The following TRPV3 variants were observed in gnomAD, a reference collection of about 807,000 sequenced individuals.
TRPV3 encodes VRL-3.
A neutral mutation model predicts 87.1 loss-of-function variants in TRPV3; 88 were observed. The observed-to-expected ratio is 1.01, with a 90% CI of 0.85 to 1.21. The LOEUF (loss-of-function observed/expected upper bound fraction) is 1.21. Ranked by LOEUF, TRPV3 falls within the 50% of genes most tolerant of loss-of-function variation. The pLI is 0.00. For synonymous variants in TRPV3, 438 were observed against 423.3 expected (o/e 1.03, Z -0.43); for missense variants, 1,054 against 1,030.1 (o/e 1.02, Z -0.32).
intron 2 of TRPV3, among the ~76,000 whole-genome samples, chr17:3,549,850 G>A (rs2074557502): frequency 1.3e-5 from 2 of 151,070 alleles, no homozygotes; most frequent in African/African-American, 4.9e-5. Context: ...TGATTGATGG[G>A]TGAATAAATG....
Position 3,542,532 on chromosome 17 carries a change from CT to C in TRPV3, c.632del (p.Glu211GlyfsTer9), listed in dbSNP as rs769008963. 2 of 1,613,586 alleles carry C rather than the reference CT, an allele frequency of 1.2e-6. No homozygotes were observed. The highest frequency in any genetic ancestry group is 4.5e-5 in the East Asian group (2 of 44,886). ...CTGCAGGCAGGATACCTTCATAGGCCTCCTCTGTGTACTCGGCGTTGATGAA... is the reference window on the plus strand; with the variant it reads ...CTGCAGGCAGGATACCTTCATAGGCCCCTCTGTGTACTCGGCGTTGATGAA... ...GRFINAEYTE[E>X]AYEGQTALNI... is the part of the protein sequence containing the mutation. On this transcript the variant is annotated frameshift_variant, in exon 6 of 18. Transcript: ENST00000576742. LOFTEE classifies it high-confidence loss of function.
intron 12 of TRPV3, among the ~76,000 whole-genome samples, chr17:3,524,821 A>AG (rs200948319): frequency 3.5e-4 from 53 of 151,204 alleles, no homozygotes; most frequent in African/African-American, 9.6e-4. Flanking sequence ...AAAAAAAAAA[A>AG]AAAAGAAAAG....
chr17:3,532,820 T>C lies in TRPV3; in HGVS notation c.902A>G (p.His301Arg). 5 of 1,614,188 alleles carry C rather than the reference T, an allele frequency of 3.1e-6. No homozygotes were observed. In the South Asian group the frequency reaches 5.5e-5, roughly 18 times the overall value. Residue 301 changes from histidine (H) to arginine (R), a missense_variant, in exon 8 of 18, where the codon CAC becomes CGC. Coordinates refer to ENST00000576742, the MANE Select transcript of TRPV3 (RefSeq NM_145068.4). The part of the protein sequence containing the change: ...SRDSRGNNIL[H>R]ALVTVAEDFK... ...GTCCTCGGCCACGGTCACCAGGGCG[T>C]GAAGGATGTTGTTGCCTCGTGAGTC...
chr17:3,538,186 G>A (rs1284147382), intron 6 of TRPV3, among the ~76,000 whole-genome samples: 22 of 145,772 alleles, frequency 1.5e-4, no homozygotes, highest in South Asian at 4.2e-4. Flanking sequence ...GCAAGACCCC[G>A]TCTCAAAAAA....
intron 3 of TRPV3, 94 bp from the exon 4 acceptor site, chr17:3,544,759 G>A (rs982359579): frequency 1.2e-6 from 1 of 857,094 alleles, no homozygotes; most frequent in South Asian, 1.5e-5. Flanking sequence ...CACTTTGGGA[G>A]GCCGAGGCAG....
At chr17:3,527,635 A>G in intron 11 of TRPV3, 1 of 262,284 alleles carries the variant, frequency 3.8e-6, no homozygotes, top group Non-Finnish European at 7.4e-6. Flanking sequence ...GGACAGATGG[A>G]GAGATGGAAA....
chr17:3,550,149 CA>C (rs1190061672), intron 2 of TRPV3, among the ~76,000 whole-genome samples: 1 of 152,096 alleles, frequency 6.6e-6, no homozygotes, highest in East Asian at 1.9e-4. Flanking sequence ...AACCTTAAAC[CA>C]AAATGTTGGG....
At chr17:3,524,808 CA>C (rs56919647) in intron 12 of TRPV3, among the ~76,000 whole-genome samples, 21,078 of 81,752 alleles carry the variant, frequency 0.26, 1,503 homozygotes, top group East Asian at 0.38. Flanking sequence ...CTTGTCTCTA[CA>C]AAAAAAAAAA....
At chr17:3,534,529 A>C (rs1231383772) in intron 7 of TRPV3, among the ~76,000 whole-genome samples, 1 of 152,216 alleles carries the variant, frequency 6.6e-6, no homozygotes, top group Non-Finnish European at 1.5e-5. Context: ...TGACGGAGCC[A>C]TTTGTTCCCT....
At chr17:3,533,953 GA>G (rs934723884) in intron 7 of TRPV3, among the ~76,000 whole-genome samples, 2 of 152,158 alleles carry the variant, frequency 1.3e-5, no homozygotes, top group African/African-American at 4.8e-5. Context: ...CAAGTACCTA[GA>G]ACAGTGCCTG....
intron 8 of TRPV3, among the ~76,000 whole-genome samples, chr17:3,531,133 A>G (rs781611686): frequency 6.6e-6 from 1 of 152,126 alleles, no homozygotes; most frequent in South Asian, 2.1e-4. Flanking sequence ...CGAAATATCC[A>G]GGGTGGGACC....
intron 4 of TRPV3, among the ~76,000 whole-genome samples, chr17:3,544,156 G>A (rs1408219650): frequency 1.3e-5 from 2 of 152,230 alleles, no homozygotes; most frequent in East Asian, 3.8e-4. Context: ...TTACAGGCAT[G>A]CGCCACCACG....
chr17:3,538,408 C>A (rs555687789), intron 6 of TRPV3, among the ~76,000 whole-genome samples: 2 of 150,032 alleles, frequency 1.3e-5, no homozygotes, highest in Admixed American at 1.3e-4. Flanking sequence ...AAAGAGTTAA[C>A]CCTTTTCACC....
In TRPV3 at chr17:3,524,255, C is replaced by T; in HGVS notation, c.1686G>A (p.Met562Ile). Residue 562 changes from methionine to isoleucine, a missense_variant, in exon 13 of 18, where the codon ATG becomes ATA. By Grantham distance (10) the Met-to-Ile change is conservative. Coordinates refer to ENST00000576742, the MANE Select transcript of TRPV3 (RefSeq NM_145068.4). ...VLAMALGWAN[M>I]LYYTRGFQSM... is the part of the protein sequence containing the mutation. ...ACTGGAAACCCCGCGTATAGTAGAG[C>T]ATGTTCGCCCAGCCCAGGGCCATGG... 6.2e-7 allele frequency: 1 copy of T among 1,614,242 alleles called. No homozygotes were observed. Among genetic ancestry groups the T allele is most frequent in the South Asian group, 1.1e-5 (1 of 91,088 alleles).
rs1217371266 is a variant in TRPV3 at position 3,514,070 on chromosome 17, TTTTC to T, written c.2279-63_2279-60del. ...TATCACTCTGCATAGTGTGTTTCTT[TTTTC>T]TTTTTCTTTTTTTTCTTTTTTGAGA... is the stretch of plus-strand genomic sequence containing the variant. On this transcript the variant is annotated intron_variant, in intron 17 of 17. Coordinates refer to ENST00000576742, the MANE Select transcript of TRPV3 (RefSeq NM_145068.4). 2.2e-5 allele frequency: 31 copies of T among 1,405,820 alleles called. No homozygotes were observed. In the Admixed American group the frequency reaches 2.5e-4, roughly 11 times the overall value. The allele number at this position is 1,405,820 out of a possible 1,614,324, so 87.1% of individuals were successfully genotyped here. A position where few individuals can be genotyped will look rare whatever the true frequency, so the allele number is the denominator to read the frequency against.
chr17:3,541,533 T>C (rs1478229837), intron 6 of TRPV3, among the ~76,000 whole-genome samples: 1 of 152,174 alleles, frequency 6.6e-6, no homozygotes, highest in African/African-American at 2.4e-5. Flanking sequence ...TTACTGATTT[T>C]CCCCTGTGGA....
rs546827206 is a variant in TRPV3, at chr17:3,546,366, C to T, written c.120-1095G>A. ...CTGAGGCAGGAAAAGTGCTTGAACCCGGGAGGTGGAGGTTGCAGTGAGCCG... is the reference window on the plus strand; with the variant it reads ...CTGAGGCAGGAAAAGTGCTTGAACCTGGGAGGTGGAGGTTGCAGTGAGCCG... On this transcript the variant is annotated intron_variant, in intron 2 of 17. Coordinates refer to ENST00000576742, the MANE Select transcript of TRPV3 (RefSeq NM_145068.4). 1.1e-3 allele frequency among the ~76,000 whole-genome samples: 159 copies of T among 150,992 alleles called. 1 individual carries two copies. The highest frequency in any genetic ancestry group is 1.4e-3 in the Non-Finnish European group (98 of 67,630).
chr17:3,524,070 TGGC>T (rs2074271288), intron 13 of TRPV3, 125 bp downstream of exon 13: 13 of 1,244,470 alleles, frequency 1.0e-5, no homozygotes, highest in Non-Finnish European at 1.5e-5. Flanking sequence ...AGGGAGTGCA[TGGC>T]ATTTGGGAGA....
chr17:3,546,038 C>T (rs1371189390), intron 2 of TRPV3, among the ~76,000 whole-genome samples: 2 of 151,186 alleles, frequency 1.3e-5, no homozygotes, highest in African/African-American at 4.9e-5. Flanking sequence ...GGGCCACGTT[C>T]TTGTGAGGCT....
Sources: allele counts gnomAD v4.1 joint callset (sites outside exome capture counted in the v4.1 genomes callset), GRCh38; gene constraint gnomAD v4.1.1; transcripts MANE v1.5; gene names NCBI Gene and HGNC (gene_info 2026-07-23, HGNC 2026-07-21).